KIAA1671: variants seen among roughly 807,000 people sequenced by gnomAD.
KIAA1671 encodes the protein uncharacterized protein KIAA1671.
Under a neutral mutation model 131.2 loss-of-function variants are expected in KIAA1671, and 52 were observed. The ratio of observed to expected loss-of-function variants is 0.40; its 90% confidence interval spans 0.32 to 0.50. The LOEUF (loss-of-function observed/expected upper bound fraction) is 0.50, where lower values mean the gene tolerates loss of function less well. Among genes scored for constraint, KIAA1671 ranks in the 20% least tolerant of loss-of-function variants. The probability of loss-of-function intolerance (pLI) is 0.73; values close to 1 mark genes in which losing one functional copy is unlikely to be tolerated. For missense variants in KIAA1671, 2,360 were observed against 2,364.2 expected, an observed-to-expected ratio of 1.00 and a Z score of 0.04; for synonymous variants, 1,003 against 961.6, an observed-to-expected ratio of 1.04 and a Z score of -0.80.
At chr22:25,179,463 T>C in intron 9 of KIAA1671, 2 of 1,613,354 alleles carry the variant, frequency 1.2e-6, no homozygotes, top group African/African-American at 2.7e-5. Flanking sequence ...GCCTGGCGGC[T>C]GAAGTTGTTA....
At chr22:25,103,233 C>T (rs568050164) in intron 6 of KIAA1671, among the ~76,000 whole-genome samples, 13 of 135,284 alleles carry the variant, frequency 9.6e-5, no homozygotes, top group Middle Eastern at 3.9e-3. Context: ...TTTTTGAGAA[C>T]GGCGTCTCGC....
intron 1 of KIAA1671, among the ~76,000 whole-genome samples, chr22:24,959,986 A>G (rs1441754942): frequency 6.6e-6 from 1 of 151,666 alleles, no homozygotes; most frequent in Non-Finnish European, 1.5e-5. Flanking sequence ...AAAAATACAA[A>G]AATTAGCCAG....
chr22:25,133,100 A>C (rs1222523576), intron 6 of KIAA1671, among the ~76,000 whole-genome samples: 1 of 151,992 alleles, frequency 6.6e-6, no homozygotes, highest in East Asian at 1.9e-4. Context: ...ATATTTAAGA[A>C]TCACTTGGTT....
chr22:25,020,450 AT>A (rs1202102138), intron 1 of KIAA1671, among the ~76,000 whole-genome samples: 3 of 152,132 alleles, frequency 2.0e-5, no homozygotes, highest in African/African-American at 7.2e-5. Flanking sequence ...TACATTGAAT[AT>A]TATTTTCTTC....
intron 6 of KIAA1671, chr22:25,052,247 C>T (rs1213646448): frequency 2.6e-5 from 4 of 152,428 alleles, no homozygotes; most frequent in South Asian, 2.1e-4. Flanking sequence ...TTGCTCAGCC[C>T]GGGGTTGGCC....
chr22:25,163,969 G>A (rs1240270940), intron 6 of KIAA1671, among the ~76,000 whole-genome samples: 1 of 152,118 alleles, frequency 6.6e-6, no homozygotes, highest in South Asian at 2.1e-4. Flanking sequence ...ATATATTATG[G>A]GTTGTTTTAA....
rs61997257 is a variant in KIAA1671 at position 25,112,357 on chromosome 22, C to G, written c.4531-58463C>G. 10 of 399,100 alleles carry G rather than the reference C, an allele frequency of 2.5e-5. No homozygotes were observed. The East Asian group carries it at 3.6e-4, about 14-fold the overall frequency. 24.7% of individuals were successfully genotyped at this position (399,100 alleles called of 1,614,324 possible). A position where few individuals can be genotyped will look rare whatever the true frequency, so the allele number is the denominator to read the frequency against. ...TCAAGCGTACTTCCTCCTTCCGACA[C>G]CTGGCTTCCCGGAGTCGGGAATCCT... On this transcript the variant is annotated intron_variant, in intron 6 of 12. Coordinates refer to ENST00000358431, the MANE Select transcript of KIAA1671 (RefSeq NM_001145206.2).
At chr22:25,043,129 G>A (rs1377776788) in intron 5 of KIAA1671, among the ~76,000 whole-genome samples, 1 of 150,692 alleles carries the variant, frequency 6.6e-6, no homozygotes. Flanking sequence ...GAGGAAAGGA[G>A]GAAGGGATCA....
chr22:25,000,807 T>A (rs1924424345), intron 1 of KIAA1671, among the ~76,000 whole-genome samples: 1 of 146,232 alleles, frequency 6.8e-6, no homozygotes, highest in East Asian at 2.0e-4. Context: ...AATGAGCCAC[T>A]GCACCTGGCT....
At chr22:25,066,034 A>G (rs924758105) in intron 6 of KIAA1671, among the ~76,000 whole-genome samples, 2 of 152,144 alleles carry the variant, frequency 1.3e-5, no homozygotes, top group Non-Finnish European at 2.9e-5. Flanking sequence ...GGTTTCTGGC[A>G]AGGACCTGCT....
intron 4 of KIAA1671, among the ~76,000 whole-genome samples, chr22:25,037,237 C>T (rs375282207): frequency 2.0e-5 from 3 of 152,082 alleles, no homozygotes; most frequent in Admixed American, 1.3e-4. Flanking sequence ...GCAGAAAAAT[C>T]GCTTGAATCC....
intron 6 of KIAA1671, among the ~76,000 whole-genome samples, chr22:25,141,872 TTTGGAA>T (rs1932812384): frequency 1.3e-5 from 2 of 152,332 alleles, no homozygotes; most frequent in South Asian, 4.1e-4. Context: ...GTAGATGTGA[TTTGGAA>T]CCCTGGCTCG....
intron 1 of KIAA1671, 125 bp from the exon 2 acceptor site, chr22:25,025,508 G>A (rs1925898997): frequency 6.6e-6 from 1 of 152,168 alleles, no homozygotes; most frequent in Admixed American, 6.5e-5. Context: ...AAGCCAAAAG[G>A]AGCATACGTT....
At chr22:25,084,187 G>T (rs1262322597) in intron 6 of KIAA1671, among the ~76,000 whole-genome samples, 2 of 152,162 alleles carry the variant, frequency 1.3e-5, no homozygotes, top group Non-Finnish European at 2.9e-5. Context: ...AGTGGCTCCT[G>T]TGTGTATAGA....
intron 6 of KIAA1671, among the ~76,000 whole-genome samples, chr22:25,065,553 C>A (rs1928422330): frequency 6.6e-6 from 1 of 151,958 alleles, no homozygotes; most frequent in South Asian, 2.1e-4. Flanking sequence ...CTTCCTCTTT[C>A]CCCCCAAAAA....
At chr22:25,081,779 A>G (rs1431722948) in intron 6 of KIAA1671, among the ~76,000 whole-genome samples, 2 of 152,158 alleles carry the variant, frequency 1.3e-5, no homozygotes, top group African/African-American at 2.4e-5. Flanking sequence ...GAGCCTCTGG[A>G]AAGTCCAACA....
At chr22:25,032,846 T>C (rs1329776478) in intron 4 of KIAA1671, 150 bp downstream of exon 4, 5 of 489,256 alleles carry the variant, frequency 1.0e-5, no homozygotes, top group East Asian at 5.9e-5. Flanking sequence ...TGTTGGGACT[T>C]TGAAGTCCCT....
At position 25,039,837 on chromosome 22, in the gene KIAA1671, C is replaced by G. The variant is rs989861382; in HGVS notation, c.2707C>G (p.Pro903Ala). 1.1e-5 allele frequency: 17 copies of G among 1,547,680 alleles called. No homozygotes were observed. Among genetic ancestry groups the G allele is most frequent in the Middle Eastern group, 3.4e-4 (2 of 5,970 alleles). The change falls in exon 5 of 13, where the codon CCA becomes GCA. Residue 903 changes from proline to alanine, a missense_variant. Physicochemically the swap from Pro to Ala is conservative, Grantham distance 27 (BLOSUM62 -1). This residue lies in a region of KIAA1671 where 1,161 missense variants were observed against 1,204.7 expected (regional missense o/e 0.96). Coordinates refer to ENST00000358431, the MANE Select transcript of KIAA1671 (RefSeq NM_001145206.2). ...GPSDSQARTHPDAFAVQKGPF... is the reference protein window; with the variant it reads ...GPSDSQARTHADAFAVQKGPF... ...TTCTGACTCCCAAGCACGAACACAT[C>G]CAGATGCATTTGCTGTGCAGAAAGG...
intron 6 of KIAA1671, among the ~76,000 whole-genome samples, chr22:25,153,581 G>A (rs189739952): frequency 6.6e-6 from 1 of 152,364 alleles, no homozygotes; most frequent in Non-Finnish European, 1.5e-5. Context: ...ATTGGGGCTG[G>A]TGGAGCTGTG....
Sources: allele counts gnomAD v4.1 joint callset (sites outside exome capture counted in the v4.1 genomes callset), GRCh38; gene constraint gnomAD v4.1.1; regional missense constraint gnomAD v4.1.1; transcripts MANE v1.5; gene names NCBI Gene and HGNC (gene_info 2026-07-23, HGNC 2026-07-21).